The following CELF2 variants were observed in gnomAD, a reference collection of about 807,000 sequenced individuals.
The protein encoded by CELF2 is CUG triplet repeat RNA-binding protein 2.
In CELF2, 8 loss-of-function variants were observed where a neutral mutation model predicts 62.6. That is an observed-to-expected ratio of 0.13 (90% CI 0.07 to 0.23). CELF2 has a LOEUF of 0.23. Ranked by LOEUF, CELF2 falls within the 10% of genes least tolerant of loss-of-function variation. CELF2 has a pLI of 1.00. For missense variants in CELF2, 333 were observed against 671.0 expected, an observed-to-expected ratio of 0.50 and a Z score of 5.56; for synonymous variants, 258 against 250.0, an observed-to-expected ratio of 1.03 and a Z score of -0.30.
intron 2 of CELF2, among the ~76,000 whole-genome samples, chr10:11,169,663 C>T (rs1460505543): frequency 6.6e-6 from 1 of 152,196 alleles, no homozygotes; most frequent in Non-Finnish European, 1.5e-5. Flanking sequence ...CTTTGTTAGA[C>T]TCTCGAGACT....
chr10:10,827,671 A>G (rs2057506580), intron 1 of CELF2, among the ~76,000 whole-genome samples: 1 of 152,158 alleles, frequency 6.6e-6, no homozygotes, highest in Non-Finnish European at 1.5e-5. Context: ...GGTATCCAGG[A>G]TAGTTACTCC....
chr10:10,626,107 A>G, the CELF2 span, among the ~76,000 whole-genome samples: 900 of 152,250 alleles, frequency 5.9e-3, 3 homozygotes, highest in Non-Finnish European at 8.3e-3. Context: ...ATAAAAAGCT[A>G]ATGTGGCTTT....
the CELF2 span, among the ~76,000 whole-genome samples, chr10:10,762,367 T>C: frequency 6.6e-6 from 1 of 151,720 alleles, no homozygotes; most frequent in Admixed American, 6.6e-5. Flanking sequence ...AATTATGGAT[T>C]GTGCTAGCAG....
chr10:10,591,350 A>C, the CELF2 span, among the ~76,000 whole-genome samples: 2 of 152,202 alleles, frequency 1.3e-5, no homozygotes, highest in East Asian at 3.8e-4. Flanking sequence ...TACATTTACA[A>C]ATGTAGATAA....
chr10:10,759,677 T>C, the CELF2 span, among the ~76,000 whole-genome samples: 1 of 152,196 alleles, frequency 6.6e-6, no homozygotes, highest in African/African-American at 2.4e-5. Context: ...TTCATGGCCC[T>C]AACAACACAT....
the CELF2 span, among the ~76,000 whole-genome samples, chr10:10,580,510 T>C: frequency 6.6e-6 from 1 of 152,186 alleles, no homozygotes; most frequent in East Asian, 1.9e-4. Flanking sequence ...CCAAGACCAC[T>C]GGCTAAGCAT....
rs142011880 is a variant in CELF2 at position 11,189,266 on chromosome 10, G to C, written c.271+23584G>C. On this transcript the variant is annotated intron_variant, in intron 2 of 12. Coordinates refer to ENST00000633077, the MANE Select transcript of CELF2 (RefSeq NM_001326342.2). ...TGGATACTCAAGAGGGACCTCTGCA[G>C]ATCTCTTTGACTCCTGTTAAATAAT... 8.8e-4 allele frequency among the ~76,000 whole-genome samples: 134 copies of C among 152,212 alleles called. No individual in the cohort carries two copies. In the Middle Eastern group the frequency reaches 0.014, roughly 15 times the overall value.
At chr10:10,722,587 A>T in the CELF2 span, among the ~76,000 whole-genome samples, 1 of 152,220 alleles carries the variant, frequency 6.6e-6, no homozygotes, top group African/African-American at 2.4e-5. Context: ...TTAAAACAAG[A>T]TTATTTTTAT....
In CELF2 at chr10:11,306,318, G is replaced by A. The variant is rs1240902447; in HGVS notation, c.977-7821G>A. Among the ~76,000 whole-genome samples the A allele has an allele frequency of 6.6e-6, 1 of 151,998 alleles. No homozygotes were observed. Among genetic ancestry groups the A allele is most frequent in the Non-Finnish European group, 1.5e-5 (1 of 68,002 alleles). On this transcript the variant is annotated intron_variant, in intron 9 of 12. Transcript: ENST00000633077. This position sits in a 1 kb window ranked among gnomAD's most constrained non-coding sequence, Gnocchi z 4.4. ...AAACTTTTAAGTGAGAAAGCGTAGG[G>A]TACAGTTCTCAGCACAGACTGAAGG...
chr10:10,524,701 T>C, the CELF2 span, among the ~76,000 whole-genome samples: 3 of 152,196 alleles, frequency 2.0e-5, no homozygotes, highest in Non-Finnish European at 4.4e-5. Flanking sequence ...TTTTTTATCA[T>C]AGCAGTATTC....
At chr10:11,304,826 A>T (rs1484847963) in intron 9 of CELF2, among the ~76,000 whole-genome samples, 1 of 152,204 alleles carries the variant, frequency 6.6e-6, no homozygotes, top group Non-Finnish European at 1.5e-5. Context: ...TCTCTTTGCC[A>T]TGTAACCTAA....
chr10:11,054,139 A>G (rs2064608070), intron 1 of CELF2, among the ~76,000 whole-genome samples: 1 of 152,232 alleles, frequency 6.6e-6, no homozygotes, highest in Non-Finnish European at 1.5e-5. Context: ...TGTTCATAAA[A>G]GAGTAAAAAG....
At chr10:11,150,738 T>G (rs1235584618) in intron 1 of CELF2, among the ~76,000 whole-genome samples, 1 of 152,242 alleles carries the variant, frequency 6.6e-6, no homozygotes, top group Non-Finnish European at 1.5e-5. Context: ...ACACTTAAAT[T>G]ATAATCTGTT....
At chr10:10,756,851 AT>A in the CELF2 span, among the ~76,000 whole-genome samples, 2 of 152,200 alleles carry the variant, frequency 1.3e-5, no homozygotes, top group African/African-American at 4.8e-5. Context: ...CCATTAAAAA[AT>A]AACTACGGGG....
At chr10:11,050,491 T>G (rs2063719718) in intron 1 of CELF2, among the ~76,000 whole-genome samples, 1 of 152,220 alleles carries the variant, frequency 6.6e-6, no homozygotes, top group Admixed American at 6.5e-5. Context: ...GTGTCGGTTC[T>G]AATTTGGTTC....
intron 1 of CELF2, among the ~76,000 whole-genome samples, chr10:11,091,566 G>A (rs774161123): frequency 1.6e-4 from 25 of 152,144 alleles, no homozygotes; most frequent in Admixed American, 3.3e-4. Context: ...GAAATACTAC[G>A]TTGCAGCCTT....
rs1592359126 is a variant in CELF2 at position 10,954,312 on chromosome 10, C to A, written c.89+34313C>A. Among the ~76,000 whole-genome samples the A allele has an allele frequency of 2.0e-5, 3 of 151,508 alleles. No homozygotes were observed. The South Asian group carries it at 6.3e-4, about 32-fold the overall frequency. The stretch of plus-strand genomic sequence containing the variant: ...CCAGGCTGGAGTGCAGTGGCATGAT[C>A]TTGGCTCACTGCACCCTCCACCTTC... On this transcript the variant is annotated intron_variant, in intron 2 of 13. Coordinates refer to the CELF2 transcript ENST00000636488.
At chr10:11,196,513 C>G (rs1282509322) in intron 2 of CELF2, among the ~76,000 whole-genome samples, 1 of 151,792 alleles carries the variant, frequency 6.6e-6, no homozygotes, top group African/African-American at 2.4e-5. Context: ...AAAAAAATAA[C>G]AAAATTAGCC....
chr10:11,028,912 C>A (rs1783438939), intron 1 of CELF2, among the ~76,000 whole-genome samples: 1 of 152,096 alleles, frequency 6.6e-6, no homozygotes, highest in Non-Finnish European at 1.5e-5. Flanking sequence ...TGGGGTTTCA[C>A]CATATTGGCC....
Sources: allele counts gnomAD v4.1 joint callset (sites outside exome capture counted in the v4.1 genomes callset), GRCh38; gene constraint gnomAD v4.1.1; non-coding constraint Gnocchi (gnomAD v3.1); transcripts MANE v1.5; gene names NCBI Gene and HGNC (gene_info 2026-07-23, HGNC 2026-07-21).